ANOS1: variants seen among roughly 807,000 people sequenced by gnomAD.
The protein encoded by ANOS1 is anosmin 1, also known as anosmin-1.
A neutral mutation model predicts 59.0 loss-of-function variants in ANOS1; 6 were observed. That is an observed-to-expected ratio of 0.10 (90% CI 0.06 to 0.20). ANOS1 has a LOEUF of 0.20. Ranked by LOEUF, ANOS1 falls within the 10% of genes least tolerant of loss-of-function variation. The probability of loss-of-function intolerance (pLI) is 1.00; values close to 1 mark genes in which losing one functional copy is unlikely to be tolerated. For synonymous variants in ANOS1, 217 were observed against 223.4 expected, an observed-to-expected ratio of 0.97 and a Z score of 0.25; for missense variants, 433 against 542.3, an observed-to-expected ratio of 0.80 and a Z score of 2.00.
chrX:8,623,570 T>C, intron 3 of ANOS1, 38 bp downstream of exon 3: 3 of 1,037,927 alleles, frequency 2.9e-6, no homozygotes, highest in Non-Finnish European at 4.1e-6. Context: ...TAGTCAGATT[T>C]GGGTCAAGTG....
chrX:8,729,758 A>G (rs1338662832), intron 1 of ANOS1, among the ~76,000 whole-genome samples: 1 of 104,644 alleles, frequency 9.6e-6, no homozygotes, highest in Non-Finnish European at 1.9e-5. Flanking sequence ...AGCGGTGGGG[A>G]ACAGGGAAGC....
chrX:8,572,693 ATTCTC>A (rs1028306235), intron 6 of ANOS1, among the ~76,000 whole-genome samples: 12 of 111,852 alleles, frequency 1.1e-4, no homozygotes, highest in Admixed American at 4.7e-4. Context: ...GAGTCAAGTC[ATTCTC>A]AATCAACATC....
chrX:8,665,080 T>A, intron 2 of ANOS1, among the ~76,000 whole-genome samples: 1 of 111,556 alleles, frequency 9.0e-6, no homozygotes, highest in Non-Finnish European at 1.9e-5. Context: ...GCCTGAAGCA[T>A]CCCGTCATGC....
At chrX:8,594,546 C>G (rs1386701632) in intron 4 of ANOS1, among the ~76,000 whole-genome samples, 1 of 100,232 alleles carries the variant, frequency 1.0e-5, no homozygotes, top group African/African-American at 3.6e-5. Context: ...CCTCCTTTTA[C>G]ACACACTAAC....
At chrX:8,674,482 G>A (rs1358312677) in intron 2 of ANOS1, among the ~76,000 whole-genome samples, 1 of 111,857 alleles carries the variant, frequency 8.9e-6, no homozygotes, top group Non-Finnish European at 1.9e-5. Context: ...TTGCTTTATC[G>A]TCTCTTTAAG....
intron 2 of ANOS1, among the ~76,000 whole-genome samples, chrX:8,626,111 C>CAAAAAAAA (rs138234272): frequency 4.1e-5 from 1 of 24,525 alleles, no homozygotes; most frequent in African/African-American, 1.5e-4. Context: ...GACTCTGTCT[C>CAAAAAAAA]AAAAAAAAAA....
intron 2 of ANOS1, among the ~76,000 whole-genome samples, chrX:8,635,511 C>T (rs746746474): frequency 9.0e-6 from 1 of 111,479 alleles, no homozygotes; most frequent in Non-Finnish European, 1.9e-5. Flanking sequence ...AGCTTACATC[C>T]TCACATGAAC....
intron 7 of ANOS1, 92 bp downstream of exon 7, chrX:8,570,407 C>G (rs1479370343): frequency 2.6e-5 from 19 of 731,569 alleles, no homozygotes; most frequent in Non-Finnish European, 4.0e-5. Flanking sequence ...CATGGCATCT[C>G]TCAGTTTAGC....
intron 9 of ANOS1, among the ~76,000 whole-genome samples, chrX:8,549,307 T>C (rs1425000289): frequency 3.6e-5 from 4 of 112,434 alleles, no homozygotes; most frequent in African/African-American, 1.3e-4. Flanking sequence ...TGTGTGTATA[T>C]GTGTACATAT....
At chrX:8,645,848 G>A (rs1050514070) in intron 2 of ANOS1, among the ~76,000 whole-genome samples, 10 of 112,548 alleles carry the variant, frequency 8.9e-5, no homozygotes, top group African/African-American at 3.2e-4. Context: ...AGTAGAGACA[G>A]GGTTTCAACG....
At chrX:8,602,465 C>T (rs991147540) in intron 3 of ANOS1, among the ~76,000 whole-genome samples, 1 of 111,067 alleles carries the variant, frequency 9.0e-6, no homozygotes, top group African/African-American at 3.3e-5. Context: ...TGTGATAATA[C>T]AAATTACTCA....
intron 3 of ANOS1, 101 bp from the exon 4 acceptor site, chrX:8,597,357 CTTTG>C: frequency 1.4e-6 from 1 of 716,917 alleles, no homozygotes; most frequent in Non-Finnish European, 2.1e-6. Flanking sequence ...CCCACCAAAC[CTTTG>C]TTTGAATATT....
At chrX:8,585,113 G>A (rs1410150433) in intron 6 of ANOS1, among the ~76,000 whole-genome samples, 154 bp downstream of exon 6, 1 of 111,847 alleles carries the variant, frequency 8.9e-6, no homozygotes, top group East Asian at 2.8e-4. Flanking sequence ...AAATGTACAT[G>A]GTACCTTCAA....
At chrX:8,560,177 C>T (rs932414882) in intron 8 of ANOS1, among the ~76,000 whole-genome samples, 2 of 110,924 alleles carry the variant, frequency 1.8e-5, no homozygotes, top group African/African-American at 6.6e-5. Context: ...CCACCATTGC[C>T]CAGATTGGTC....
intron 2 of ANOS1, among the ~76,000 whole-genome samples, chrX:8,650,002 C>A (rs906472446): frequency 8.9e-6 from 1 of 112,895 alleles, no homozygotes; most frequent in African/African-American, 3.2e-5. Flanking sequence ...ATGCCTAAAT[C>A]CTGTAGAAGT....
rs953249636 is a variant in ANOS1 at position 8,701,009 on chromosome X, C to G, written c.208-1264G>C. Among the ~76,000 whole-genome samples, 42 of 110,988 alleles carry G rather than the reference C, an allele frequency of 3.8e-4. 1 individual carries two copies. The highest frequency in any genetic ancestry group is 1.3e-3 in the African/African-American group (41 of 30,596). On this transcript the variant is annotated intron_variant, in intron 1 of 13. Transcript: ENST00000262648. Reference sequence around the variant, plus strand: ...GGGCAACAAGAGGAAAACTCCATCTCAAAAAAATAAATAAATAAATAAAAT... The same window carrying G: ...GGGCAACAAGAGGAAAACTCCATCTGAAAAAAATAAATAAATAAATAAAAT...
intron 2 of ANOS1, among the ~76,000 whole-genome samples, chrX:8,637,049 C>T (rs748716955): frequency 1.1e-4 from 12 of 112,313 alleles, no homozygotes; most frequent in Non-Finnish European, 2.3e-4. Flanking sequence ...TCTCTCTTCA[C>T]CACAAAAAGA....
intron 6 of ANOS1, among the ~76,000 whole-genome samples, chrX:8,585,020 G>A (rs922903952): frequency 1.8e-5 from 2 of 111,197 alleles, no homozygotes; most frequent in South Asian, 3.8e-4. Context: ...AAACCCCCCC[G>A]CCACTTCAAA....
At chrX:8,579,589 C>A (rs941098253) in intron 6 of ANOS1, among the ~76,000 whole-genome samples, 6 of 111,663 alleles carry the variant, frequency 5.4e-5, no homozygotes, top group Admixed American at 1.9e-4. Context: ...AAGAGGTAAA[C>A]AACAGATGTT....
Sources: allele counts gnomAD v4.1 joint callset (sites outside exome capture counted in the v4.1 genomes callset), GRCh38; gene constraint gnomAD v4.1.1; transcripts MANE v1.5; gene names NCBI Gene and HGNC (gene_info 2026-07-23, HGNC 2026-07-21).